Variants in STARD13 observed in about 807,000 individuals in gnomAD.
STARD13 encodes StAR related lipid transfer domain containing 13.
A neutral mutation model predicts 106.4 loss-of-function variants in STARD13; 62 were observed. The observed-to-expected ratio is 0.58, with a 90% confidence interval of 0.48 to 0.72. The LOEUF (loss-of-function observed/expected upper bound fraction) is 0.72, where lower values mean the gene tolerates loss of function less well. STARD13 is among the 30% of genes least tolerant of loss of function. STARD13 has a pLI of 0.00. For synonymous variants in STARD13, 565 were observed against 553.0 expected (o/e 1.02, Z -0.31); for missense variants, 1,387 against 1,424.0 (o/e 0.97, Z 0.42).
intron 4 of STARD13, among the ~76,000 whole-genome samples, chr13:33,131,334 C>G (rs772589655): frequency 5.9e-5 from 9 of 152,240 alleles, no homozygotes; most frequent in Admixed American, 6.5e-5. Flanking sequence ...CTTGCCACCT[C>G]TCTCTGGATC....
chr13:33,398,358 T>G, the STARD13 span, among the ~76,000 whole-genome samples: 2 of 152,156 alleles, frequency 1.3e-5, no homozygotes, highest in East Asian at 1.9e-4. Context: ...ACTATAAAAC[T>G]TTTAGAAAAC....
chr13:33,432,894 T>A, the STARD13 span, among the ~76,000 whole-genome samples: 1 of 152,180 alleles, frequency 6.6e-6, no homozygotes, highest in Non-Finnish European at 1.5e-5. Context: ...AAAAATGAAA[T>A]AACGCTTTAT....
chr13:33,590,614 C>G, the STARD13 span, among the ~76,000 whole-genome samples: 2 of 149,574 alleles, frequency 1.3e-5, no homozygotes, highest in East Asian at 4.0e-4. Context: ...AAACCAAACA[C>G]CGCATGTTCT....
the STARD13 span, among the ~76,000 whole-genome samples, chr13:33,374,479 T>A: frequency 1.8e-4 from 28 of 152,340 alleles, no homozygotes; most frequent in East Asian, 3.3e-3. Context: ...CTACCCATAT[T>A]GTGCTAACAA....
In STARD13 at chr13:33,116,661, C is replaced by A. The variant is rs147812738; in HGVS notation, c.2281+1404G>T. Among the ~76,000 whole-genome samples the A allele has an allele frequency of 5.5e-3, 844 of 152,328 alleles. 10 individuals carry two copies. Among genetic ancestry groups the A allele is most frequent in the African/African-American group, 0.02 (815 of 41,580 alleles). On this transcript the variant is annotated intron_variant, in intron 8 of 13. Transcript: ENST00000336934. ...AAGAACTGATTAAATGTAAAAGACT[C>A]ATATCTGATACTTCCAAACCATAAG...
At chr13:33,634,903 A>G in the STARD13 span, among the ~76,000 whole-genome samples, 14 of 152,230 alleles carry the variant, frequency 9.2e-5, no homozygotes, top group African/African-American at 3.4e-4. Flanking sequence ...TGGCTCTGTC[A>G]TTTCCCCAGA....
chr13:33,481,207 G>A, the STARD13 span, among the ~76,000 whole-genome samples: 26 of 150,866 alleles, frequency 1.7e-4, no homozygotes, highest in African/African-American at 6.3e-4. Context: ...ATAGTAGATG[G>A]GAGAAGTTAT....
intron 3 of STARD13, among the ~76,000 whole-genome samples, chr13:33,153,977 A>G (rs1022438237): frequency 1.8e-4 from 28 of 152,288 alleles, no homozygotes; most frequent in African/African-American, 6.7e-4. Flanking sequence ...CAAGTCAGGG[A>G]GCAGCTCCTC....
upstream of STARD13, among the ~76,000 whole-genome samples, chr13:33,286,061 C>A (rs1892046951): frequency 6.6e-6 from 1 of 152,038 alleles, no homozygotes. Context: ...GCTCAGGAAA[C>A]TTTTCAGCCT....
the STARD13 span, among the ~76,000 whole-genome samples, chr13:33,459,989 T>A: frequency 6.6e-6 from 1 of 152,192 alleles, no homozygotes; most frequent in Non-Finnish European, 1.5e-5. Flanking sequence ...TCTTTATTAT[T>A]AGTGTTAAGT....
chr13:33,299,034 T>C (rs552218319), intron 1 of STARD13, among the ~76,000 whole-genome samples: 6 of 152,348 alleles, frequency 3.9e-5, no homozygotes, highest in East Asian at 3.9e-4. Flanking sequence ...ATAGCATACG[T>C]TTACCGTACT....
the STARD13 span, among the ~76,000 whole-genome samples, chr13:33,639,062 T>G: frequency 6.6e-6 from 1 of 152,130 alleles, no homozygotes; most frequent in Admixed American, 6.5e-5. Flanking sequence ...AGTGAAAATT[T>G]TCTGCTCTCA....
the STARD13 span, among the ~76,000 whole-genome samples, chr13:33,364,552 G>T: frequency 1.3e-5 from 2 of 152,142 alleles, no homozygotes; most frequent in Non-Finnish European, 2.9e-5. Context: ...ACTTCCTCGT[G>T]GGCAAGGTGT....
intron 1 of STARD13, among the ~76,000 whole-genome samples, chr13:33,302,333 C>G (rs955604020): frequency 1.3e-5 from 2 of 152,174 alleles, no homozygotes; most frequent in African/African-American, 4.8e-5. Flanking sequence ...CATTTTTGAA[C>G]ATGTATGTGT....
At position 33,341,892 on chromosome 13, in the gene STARD13, T is replaced by A. The variant is rs1267271261; in HGVS notation, c.124+8398A>T. Among the ~76,000 whole-genome samples, 9 of 152,012 alleles carry A rather than the reference T, an allele frequency of 5.9e-5. No individual in the cohort carries two copies. The East Asian group carries it at 1.8e-3, about 30-fold the overall frequency. ...GCAACCTCCTCCTCTTGGGTTCAAG[T>A]GATTCCCCTGCCTCAGCCTCTGGAG... On this transcript the variant is annotated intron_variant, in intron 1 of 5. Transcript: ENST00000567873.
At chr13:33,186,815 A>G (rs1885810192) in intron 1 of STARD13, among the ~76,000 whole-genome samples, 1 of 152,216 alleles carries the variant, frequency 6.6e-6, no homozygotes, top group South Asian at 2.1e-4. Context: ...CTAGGTTTTA[A>G]AAATTATCTT....
the STARD13 span, among the ~76,000 whole-genome samples, chr13:33,649,986 C>T: frequency 6.6e-6 from 1 of 151,786 alleles, no homozygotes; most frequent in Non-Finnish European, 1.5e-5. Flanking sequence ...TTCATATTCC[C>T]TTTTTTCCTG....
At chr13:33,348,103 A>C (rs1321416401), downstream of STARD13, among the ~76,000 whole-genome samples, 1 of 152,240 alleles carries the variant, frequency 6.6e-6, no homozygotes, top group Non-Finnish European at 1.5e-5. Context: ...CCAGCTGAAT[A>C]ACCTGCTGGC....
intron 1 of STARD13, among the ~76,000 whole-genome samples, chr13:33,180,085 G>T (rs2138444131): frequency 2.0e-5 from 3 of 152,302 alleles, no homozygotes; most frequent in African/African-American, 7.2e-5. Context: ...AATGTTTCAT[G>T]ATACTCTTTC....
Sources: gnomAD v4.1 joint callset for allele counts (sites outside exome capture counted in the v4.1 genomes callset) on GRCh38, gnomAD v4.1.1 for gene constraint, MANE v1.5 for transcripts, NCBI Gene and HGNC (gene_info 2026-07-23, HGNC 2026-07-21) for gene names.